The following PCDHGA3 variants were observed in gnomAD, a reference collection of about 807,000 sequenced individuals.
PCDHGA3 encodes the protein protocadherin gamma-A3.
PCDHGA3 carries 40 observed loss-of-function variants against 58.5 expected under a neutral mutation model. The observed-to-expected ratio is 0.68, with a 90% CI of 0.53 to 0.89. PCDHGA3 has a LOEUF of 0.89. PCDHGA3 is among the 40% of genes least tolerant of loss of function. The pLI, the probability that PCDHGA3 is intolerant of heterozygous loss-of-function variation, is 0.00. For missense variants in PCDHGA3, 1,223 were observed against 1,195.9 expected (o/e 1.02, Z -0.33); for synonymous variants, 530 against 525.7 (o/e 1.01, Z -0.11).
At chr5:141,416,245 C>T (rs1029299377) in intron 1 of PCDHGA3, 1 of 152,234 alleles carries the variant, frequency 6.6e-6, no homozygotes, top group Non-Finnish European at 1.5e-5. Flanking sequence ...CTATTTATAA[C>T]TGATAACACT....
intron 1 of PCDHGA3, chr5:141,394,323 T>A (rs1323089912): frequency 6.2e-7 from 1 of 1,613,982 alleles, no homozygotes; most frequent in South Asian, 1.1e-5. Flanking sequence ...CCTGTCCTCG[T>A]ATATCTCCAT....
chr5:141,392,298 G>T (rs568188111), intron 1 of PCDHGA3: 3 of 152,090 alleles, frequency 2.0e-5, no homozygotes, highest in African/African-American at 7.2e-5. Flanking sequence ...GGAAATGAAA[G>T]TATCATGTTT....
chr5:141,463,904 T>C (rs1289422146), intron 1 of PCDHGA3, among the ~76,000 whole-genome samples: 3 of 152,214 alleles, frequency 2.0e-5, no homozygotes, highest in African/African-American at 4.8e-5. Context: ...TTTGTACTAA[T>C]AATATATCCT....
chr5:141,413,283 C>G (rs377443382), intron 1 of PCDHGA3: 1 of 1,613,966 alleles, frequency 6.2e-7, no homozygotes, highest in Admixed American at 1.7e-5. Context: ...GGCAGATCTC[C>G]TACTCAATTC....
At chr5:141,364,743 T>C in intron 1 of PCDHGA3, 1 of 1,613,916 alleles carries the variant, frequency 6.2e-7, no homozygotes, top group Non-Finnish European at 8.5e-7. Flanking sequence ...GATGAAGAGT[T>C]AAAAGTAAAA....
intron 1 of PCDHGA3, among the ~76,000 whole-genome samples, chr5:141,380,254 G>T (rs572849105): frequency 6.6e-6 from 1 of 152,270 alleles, no homozygotes; most frequent in Non-Finnish European, 1.5e-5. Flanking sequence ...TGTCAAAGGG[G>T]AAGGAGTAAA....
intron 1 of PCDHGA3, among the ~76,000 whole-genome samples, chr5:141,381,794 T>C (rs901900634): frequency 1.3e-4 from 19 of 150,606 alleles, no homozygotes; most frequent in Admixed American, 9.3e-4. Context: ...GGCAAGGCAA[T>C]TCCCTCTTTC....
chr5:141,372,278 G>A (rs756938433), intron 1 of PCDHGA3: 7 of 1,613,020 alleles, frequency 4.3e-6, no homozygotes, highest in Non-Finnish European at 3.4e-6. Flanking sequence ...AGGTGCGCAC[G>A]GCGCGTACCT....
intron 1 of PCDHGA3, chr5:141,357,114 C>G (rs1464879895): frequency 6.2e-7 from 1 of 1,613,822 alleles, no homozygotes; most frequent in South Asian, 1.1e-5. Context: ...GAGACGCGCT[C>G]AAGCAGAGGC....
intron 1 of PCDHGA3, chr5:141,385,213 C>T (rs1481010729): frequency 1.7e-5 from 28 of 1,614,108 alleles, no homozygotes; most frequent in Non-Finnish European, 2.2e-5. Flanking sequence ...GATCTTCCCC[C>T]AGCCCAACTA....
intron 1 of PCDHGA3, chr5:141,418,245 A>G: frequency 5.6e-6 from 9 of 1,614,046 alleles, no homozygotes; most frequent in Non-Finnish European, 7.6e-6. Flanking sequence ...GTTAATGACC[A>G]CGCCCCTCAA....
At chr5:141,367,381 C>CA (rs1372529981) in intron 1 of PCDHGA3, 2 of 151,950 alleles carry the variant, frequency 1.3e-5, no homozygotes, top group Non-Finnish European at 2.9e-5. Flanking sequence ...ACTAAAAATA[C>CA]AAAAAATTAG....
chr5:141,455,047 C>T (rs2098811276), intron 1 of PCDHGA3, among the ~76,000 whole-genome samples: 1 of 150,004 alleles, frequency 6.7e-6, no homozygotes, highest in African/African-American at 2.5e-5. Context: ...CTCCTGACCT[C>T]GTGATCCGCC....
At chr5:141,496,262 C>G (rs934511905) in intron 2 of PCDHGA3, among the ~76,000 whole-genome samples, 3 of 152,158 alleles carry the variant, frequency 2.0e-5, no homozygotes, top group African/African-American at 7.2e-5. Flanking sequence ...GAAACTTCAG[C>G]AGAAAGACCT....
rs1295408805 is a variant in PCDHGA3, at chr5:141,344,846, G to C, written c.813G>C (p.Glu271Asp). The C allele has an allele frequency of 1.1e-5, 18 of 1,613,790 alleles. No individual in the cohort carries two copies. Among genetic ancestry groups the C allele is most frequent in the Non-Finnish European group, 1.4e-5 (17 of 1,179,884 alleles). The change falls in exon 1 of 4, where the codon GAG becomes GAC. Residue 271 changes from glutamate (E) to aspartate (D), a missense_variant. Coordinates refer to ENST00000253812, the MANE Select transcript of PCDHGA3 (RefSeq NM_018916.4). Reference sequence around the variant, plus strand: ...CGGTGAATGCCACTGACCCTGACGAGGGATTCAATGCTCAAGTGTCTTATA... The same window carrying C: ...CGGTGAATGCCACTGACCCTGACGACGGATTCAATGCTCAAGTGTCTTATA... ...LLTVNATDPDEGFNAQVSYIL... is the reference protein window; with the variant it reads ...LLTVNATDPDDGFNAQVSYIL...
chr5:141,374,274 T>C lies in PCDHGA3; in HGVS notation c.2424+27817T>C, dbSNP rs981240859. ...CCCCAGGAGTTGGCGGAGCACGGAG[T>C]CCGCATCGTCTCCAGAGGTAGGATG... On this transcript the variant is annotated intron_variant, in intron 1 of 3. Transcript: ENST00000253812. The C allele has an allele frequency of 6.2e-7, 1 of 1,613,742 alleles. No homozygotes were observed. Among genetic ancestry groups the C allele is most frequent in the African/African-American group, 1.3e-5 (1 of 74,888 alleles).
intron 1 of PCDHGA3, chr5:141,356,296 A>G: frequency 6.4e-7 from 1 of 1,555,098 alleles, no homozygotes; most frequent in Non-Finnish European, 8.7e-7. Context: ...GGGTACAGTA[A>G]TTGCACTTTT....
At chr5:141,424,841 C>A (rs1303241053) in intron 1 of PCDHGA3, among the ~76,000 whole-genome samples, 1 of 152,126 alleles carries the variant, frequency 6.6e-6, no homozygotes. Context: ...TACATGTTAT[C>A]TGAAGCAATG....
chr5:141,490,380 T>C lies in PCDHGA3; in HGVS notation c.2425-4427T>C, dbSNP rs1246254637. 1 of 1,614,204 alleles carries C rather than the reference T, an allele frequency of 6.2e-7. No individual in the cohort carries two copies. ...TTAATGTGCGAGACCGGGACTCAGGTAGAAATGGTGAAGTGAGCCTTGATA... is the reference window on the plus strand; with the variant it reads ...TTAATGTGCGAGACCGGGACTCAGGCAGAAATGGTGAAGTGAGCCTTGATA... On this transcript the variant is annotated intron_variant, in intron 1 of 3. Coordinates refer to ENST00000253812, the MANE Select transcript of PCDHGA3 (RefSeq NM_018916.4). This position sits in a 1 kb window ranked among gnomAD's most constrained non-coding sequence, Gnocchi z 5.4.
Sources: allele counts gnomAD v4.1 joint callset (sites outside exome capture counted in the v4.1 genomes callset), GRCh38; gene constraint gnomAD v4.1.1; non-coding constraint Gnocchi (gnomAD v3.1); transcripts MANE v1.5; gene names NCBI Gene and HGNC (gene_info 2026-07-23, HGNC 2026-07-21).